SENP1: variants seen among roughly 807,000 people sequenced by gnomAD.
The protein encoded by SENP1 is SUMO specific peptidase 1, also known as sentrin-specific protease 1.
Under a neutral mutation model 93.0 loss-of-function variants are expected in SENP1, and 21 were observed. The ratio of observed to expected loss-of-function variants is 0.23; its 90% CI spans 0.16 to 0.33. The LOEUF is 0.33. SENP1 is among the 10% of genes least tolerant of loss of function. The pLI, the probability that SENP1 is intolerant of heterozygous loss-of-function variation, is 1.00. For missense variants in SENP1, 591 were observed against 758.7 expected (o/e 0.78, Z 2.60); for synonymous variants, 256 against 259.6 (o/e 0.99, Z 0.13).
chr12:48,047,365 T>C (rs1364682764), intron 15 of SENP1, among the ~76,000 whole-genome samples: 3 of 152,208 alleles, frequency 2.0e-5, no homozygotes, highest in African/African-American at 2.4e-5. Context: ...CTTTTTATTC[T>C]TTTCCTTGGT....
At chr12:48,050,892 G>T (rs1255898487) in intron 13 of SENP1, among the ~76,000 whole-genome samples, 1 of 152,116 alleles carries the variant, frequency 6.6e-6, no homozygotes, top group African/African-American at 2.4e-5. Flanking sequence ...CAGATGATCT[G>T]CCAGTTACTG....
chr12:48,084,800 T>C (rs568071563), intron 5 of SENP1, among the ~76,000 whole-genome samples: 6 of 152,276 alleles, frequency 3.9e-5, no homozygotes, highest in Non-Finnish European at 7.4e-5. Flanking sequence ...CCTGGAAAGT[T>C]TGAGGTACTT....
In SENP1 at chr12:48,043,369, G is replaced by C. The variant is rs1440734836; in HGVS notation, c.*1953C>G. 6.6e-6 allele frequency: 1 copy of C among 152,592 alleles called. No individual in the cohort carries two copies. The allele number at this position is 152,592 out of a possible 1,614,324, so 9.5% of individuals were successfully genotyped here. A position where few individuals can be genotyped will look rare whatever the true frequency, so the allele number is the denominator to read the frequency against. Reference sequence around the variant, plus strand: ...TAAATACAGAGAACAATCTTGTTCTGAGTCCCCCAGACAATAGTGAAAGAA... The same window carrying C: ...TAAATACAGAGAACAATCTTGTTCTCAGTCCCCCAGACAATAGTGAAAGAA... On this transcript the variant is annotated 3_prime_UTR_variant, in exon 18 of 18. Coordinates refer to ENST00000549518, the MANE Select transcript of SENP1 (RefSeq NM_001267594.2).
intron 13 of SENP1, among the ~76,000 whole-genome samples, chr12:48,056,952 T>TA (rs1470623653): frequency 1.1e-4 from 4 of 36,264 alleles, no homozygotes; most frequent in African/African-American, 5.5e-4. Context: ...ATTACATATA[T>TA]AATATATTAT....
intron 2 of SENP1, 56 bp from the exon 3 acceptor site, chr12:48,098,180 C>G (rs1294389134): frequency 1.3e-6 from 2 of 1,553,096 alleles, no homozygotes; most frequent in African/African-American, 2.7e-5. Context: ...AACGTTTTTC[C>G]TATGAACCAA....
intron 6 of SENP1, among the ~76,000 whole-genome samples, chr12:48,076,791 C>T (rs556992097): frequency 2.9e-4 from 44 of 151,988 alleles, no homozygotes; most frequent in Middle Eastern, 3.4e-3. Flanking sequence ...TACAGGTGTG[C>T]GCCACCACGC....
intron 13 of SENP1, 190 bp downstream of exon 13, chr12:48,063,520 C>T: frequency 3.9e-6 from 2 of 507,636 alleles, no homozygotes; most frequent in Non-Finnish European, 6.9e-6. Flanking sequence ...TTAAAATACA[C>T]CTGAGATGTT....
In SENP1 at chr12:48,066,963, G is replaced by T; in HGVS notation, c.998C>A (p.Ser333Tyr). Reference protein sequence around the residue: ...VKDSQTPTPSSTFFQAELWIK... With the variant: ...VKDSQTPTPSYTFFQAELWIK... ...CCACAGCTCTGCCTGGAAGAAAGTAGAACTATGGGTAGGAAAAGAAAAATT... is the reference window on the plus strand; with the variant it reads ...CCACAGCTCTGCCTGGAAGAAAGTATAACTATGGGTAGGAAAAGAAAAATT... Residue 333 changes from serine to tyrosine, a missense_variant and splice_region_variant, in exon 10 of 18, where the codon TCT becomes TAT. By Grantham distance (144) the Ser-to-Tyr change is moderately radical (BLOSUM62 -2). Coordinates refer to ENST00000549518, the MANE Select transcript of SENP1 (RefSeq NM_001267594.2). 1 of 1,559,402 alleles carries T rather than the reference G, an allele frequency of 6.4e-7. No homozygotes were observed. The highest frequency in any genetic ancestry group is 1.2e-5 in the South Asian group (1 of 84,238).
chr12:48,049,170 A>G, intron 13 of SENP1, 38 bp from the exon 14 acceptor site: 1 of 1,497,036 alleles, frequency 6.7e-7, no homozygotes, highest in East Asian at 2.3e-5. Flanking sequence ...ATAGACACTC[A>G]GGCCTAGCCT....
chr12:48,092,024 A>G (rs1945255902), intron 4 of SENP1, among the ~76,000 whole-genome samples: 1 of 152,184 alleles, frequency 6.6e-6, no homozygotes, highest in Non-Finnish European at 1.5e-5. Flanking sequence ...TTTTTTAAAA[A>G]AATCAATGTT....
rs141329958 is a variant in SENP1 at position 48,043,431 on chromosome 12, C to T, written c.*1891G>A. 6.5e-6 allele frequency: 1 copy of T among 152,720 alleles called. No individual in the cohort carries two copies. Among genetic ancestry groups the T allele is most frequent in the African/African-American group, 2.4e-5 (1 of 41,548 alleles). 9.5% of individuals were successfully genotyped at this position (152,720 alleles called of 1,614,324 possible). A position where few individuals can be genotyped will look rare whatever the true frequency, so the allele number is the denominator to read the frequency against. On this transcript the variant is annotated 3_prime_UTR_variant, in exon 18 of 18. Coordinates refer to ENST00000549518, the MANE Select transcript of SENP1 (RefSeq NM_001267594.2). ...TCTTTTGATTCATAGTCCAAATCGACACCATATTGCCACCTTTCAAGTTGT... is the reference window on the plus strand; with the variant it reads ...TCTTTTGATTCATAGTCCAAATCGATACCATATTGCCACCTTTCAAGTTGT...
At position 48,054,970 on chromosome 12, in the gene SENP1, A is replaced by C; in HGVS notation, c.1408-5838T>G. ...TGTGTGACTAATCATTGAAATTCTT[A>C]AGATGAACTGGATGACACAACTGCT... On this transcript the variant is annotated intron_variant, in intron 13 of 17. Coordinates refer to ENST00000549518, the MANE Select transcript of SENP1 (RefSeq NM_001267594.2). The C allele has an allele frequency of 1.4e-5, 3 of 221,406 alleles. No individual in the cohort carries two copies. In the South Asian group the frequency reaches 2.3e-4, roughly 17 times the overall value. The allele number at this position is 221,406 out of a possible 1,614,324, so 13.7% of individuals were successfully genotyped here.
chr12:48,065,260 C>G (rs776936075), intron 11 of SENP1, 40 bp from the exon 12 acceptor site: 2 of 1,469,028 alleles, frequency 1.4e-6, no homozygotes, highest in Non-Finnish European at 1.9e-6. Flanking sequence ...ATAAAGAAAT[C>G]TGTGGATGTT....
At chr12:48,076,351 G>A (rs922504847) in intron 6 of SENP1, among the ~76,000 whole-genome samples, 3 of 152,004 alleles carry the variant, frequency 2.0e-5, no homozygotes. Context: ...GGATAGTCTC[G>A]ATCTCCTGAC....
intron 13 of SENP1, among the ~76,000 whole-genome samples, chr12:48,052,860 C>G (rs1402227678): frequency 2.6e-5 from 4 of 152,160 alleles, no homozygotes. Context: ...AATGTGGAAG[C>G]CAAAGAGTCA....
intron 9 of SENP1, among the ~76,000 whole-genome samples, chr12:48,070,973 G>A (rs1287708213): frequency 6.6e-6 from 1 of 152,092 alleles, no homozygotes. Flanking sequence ...GCATGCATAT[G>A]TGGTCCCAGC....
At chr12:48,045,479 A>G (rs889921772) in intron 17 of SENP1, 95 bp from the exon 18 acceptor site, 1 of 971,244 alleles carries the variant, frequency 1.0e-6, no homozygotes, top group Non-Finnish European at 1.6e-6. Flanking sequence ...GGTTTTCAAC[A>G]AACAGTCTCA....
chr12:48,055,773 T>C (rs1314674985), intron 13 of SENP1, among the ~76,000 whole-genome samples: 1 of 146,200 alleles, frequency 6.8e-6, no homozygotes, highest in Non-Finnish European at 1.5e-5. Flanking sequence ...CGTTATTGAA[T>C]ATATAATATA....
At chr12:48,072,174 C>T (rs1284752165) in intron 8 of SENP1, among the ~76,000 whole-genome samples, 2 of 152,132 alleles carry the variant, frequency 1.3e-5, no homozygotes, top group African/African-American at 4.8e-5. Context: ...AATTGCATGC[C>T]ATTCCAAGTA....
Sources: gnomAD v4.1 joint callset for allele counts (sites outside exome capture counted in the v4.1 genomes callset) on GRCh38, gnomAD v4.1.1 for gene constraint, MANE v1.5 for transcripts, NCBI Gene and HGNC (gene_info 2026-07-23, HGNC 2026-07-21) for gene names.